Variants in PTPRN2 observed in about 807,000 individuals in gnomAD.
PTPRN2 encodes protein tyrosine phosphatase receptor type N2.
A neutral mutation model predicts 118.8 loss-of-function variants in PTPRN2; 74 were observed. The ratio of observed to expected loss-of-function variants is 0.62; its 90% CI spans 0.52 to 0.76. PTPRN2 has a LOEUF of 0.76. PTPRN2 is among the 30% of genes least tolerant of loss of function. The pLI, the probability that PTPRN2 is intolerant of heterozygous loss-of-function variation, is 0.00. For synonymous variants in PTPRN2, 641 were observed against 608.0 expected, an observed-to-expected ratio of 1.05 and a Z score of -0.80; for missense variants, 1,481 against 1,394.4, an observed-to-expected ratio of 1.06 and a Z score of -0.99.
intron 2 of PTPRN2, among the ~76,000 whole-genome samples, chr7:158,435,031 T>G (rs1816481400): frequency 1.3e-5 from 2 of 152,194 alleles, no homozygotes; most frequent in African/African-American, 4.8e-5. Context: ...AAAACCTTCA[T>G]GACATTGGTC....
chr7:157,827,158 C>T (rs149907873), intron 12 of PTPRN2, among the ~76,000 whole-genome samples: 12 of 152,264 alleles, frequency 7.9e-5, no homozygotes, highest in African/African-American at 2.6e-4. Context: ...CATCCAAAAC[C>T]TAACCCTAAC....
In PTPRN2 at chr7:158,441,419, T is replaced by C. The variant is rs528898171; in HGVS notation, c.163+48316A>G. On this transcript the variant is annotated intron_variant, in intron 2 of 22. Transcript: ENST00000389418. ...ATGATGGTCATGGTAGTGGTGGTGA[T>C]GGTGATAGTGATGGTGATGGCAGTG... Among the ~76,000 whole-genome samples, 78 of 147,368 alleles carry C rather than the reference T, an allele frequency of 5.3e-4. 1 individual carries two copies. Among genetic ancestry groups the C allele is most frequent in the Middle Eastern group, 3.6e-3 (1 of 280 alleles).
intron 11 of PTPRN2, among the ~76,000 whole-genome samples, chr7:157,941,522 T>C (rs1473611275): frequency 6.7e-6 from 1 of 149,058 alleles, no homozygotes; most frequent in Non-Finnish European, 1.5e-5. Context: ...CCCATGACAC[T>C]GCAAGCGATT....
At chr7:158,007,330 G>A (rs1805699381) in intron 11 of PTPRN2, among the ~76,000 whole-genome samples, 1 of 152,150 alleles carries the variant, frequency 6.6e-6, no homozygotes, top group African/African-American at 2.4e-5. Context: ...AGGGTAAGCA[G>A]GGGACGAGGG....
intron 12 of PTPRN2, among the ~76,000 whole-genome samples, chr7:157,772,312 CAT>C (rs1314918048): frequency 3.3e-5 from 3 of 90,576 alleles, no homozygotes; most frequent in South Asian, 3.3e-4. Context: ...TACAGACACA[CAT>C]AGACACAGAC....
rs746343616 is a variant in PTPRN2 at position 158,133,960 on chromosome 7, T to A, written c.1273A>T (p.Arg425Trp). The A allele has an allele frequency of 6.2e-7, 1 of 1,613,924 alleles. No individual in the cohort carries two copies. The highest frequency in any genetic ancestry group is 1.1e-5 in the South Asian group (1 of 91,084). Residue 425 changes from arginine to tryptophan, a missense_variant, in exon 9 of 23, where the codon AGG becomes TGG. Physicochemically the swap from Arg to Trp is moderately radical, Grantham distance 101 (BLOSUM62 -3). Coordinates refer to ENST00000389418, the MANE Select transcript of PTPRN2 (RefSeq NM_002847.5). ...LPFARPLDME[R>W]KKSEHPESSL... ...GACTCAGGGTGCTCGGACTTCTTCC[T>A]CTCCATGTCGAGGGGCCTTGCAAAG...
rs191139641 is a variant in PTPRN2, at chr7:158,373,452, G to T, written c.164-56520C>A. 1.3e-3 allele frequency among the ~76,000 whole-genome samples: 199 copies of T among 152,328 alleles called. 1 individual carries two copies. Among genetic ancestry groups the T allele is most frequent in the South Asian group, 4.1e-4 (2 of 4,822 alleles). ...GTACAGTTCTGTTGATTGAAAGAAA[G>T]AAATATTTCTTTTTAGTAAACTAGT... On this transcript the variant is annotated intron_variant, in intron 2 of 22. Coordinates refer to ENST00000389418, the MANE Select transcript of PTPRN2 (RefSeq NM_002847.5).
chr7:157,951,156 A>G (rs1800787208), intron 11 of PTPRN2, among the ~76,000 whole-genome samples: 1 of 151,946 alleles, frequency 6.6e-6, no homozygotes, highest in South Asian at 2.1e-4. Context: ...AACCAGCCTC[A>G]CTCTCAGAGA....
rs187542444 is a variant in PTPRN2 at position 158,060,672 on chromosome 7, C to T, written c.1723+20626G>A. The stretch of plus-strand genomic sequence containing the variant: ...AACTTTCTGGAGGTCTCATTATCCC[C>T]ACAGCAGGTGTCACCCAGAAATGGT... On this transcript the variant is annotated intron_variant, in intron 11 of 22. Coordinates refer to ENST00000389418, the MANE Select transcript of PTPRN2 (RefSeq NM_002847.5). Among the ~76,000 whole-genome samples, 3 of 152,346 alleles carry T rather than the reference C, an allele frequency of 2.0e-5. No homozygotes were observed. The East Asian group carries it at 5.8e-4, about 29-fold the overall frequency.
At chr7:158,223,268 T>C (rs1440929542) in intron 3 of PTPRN2, among the ~76,000 whole-genome samples, 1 of 152,156 alleles carries the variant, frequency 6.6e-6, no homozygotes, top group East Asian at 1.9e-4. Context: ...TAAAACAAAT[T>C]CCATAAATAT....
intron 12 of PTPRN2, among the ~76,000 whole-genome samples, chr7:157,684,801 C>T (rs1797094622): frequency 6.6e-6 from 1 of 151,988 alleles, no homozygotes; most frequent in Non-Finnish European, 1.5e-5. Flanking sequence ...TCTCCTCGGT[C>T]CCCGCGCGGG....
intron 1 of PTPRN2, among the ~76,000 whole-genome samples, chr7:158,495,358 G>GGA (rs1409144494): frequency 6.6e-6 from 1 of 152,182 alleles, no homozygotes; most frequent in Non-Finnish European, 1.5e-5. Context: ...TTAACATTCT[G>GGA]GAGAGAGAGC....
chr7:158,102,440 C>T (rs1463701856), intron 10 of PTPRN2, among the ~76,000 whole-genome samples: 1 of 152,210 alleles, frequency 6.6e-6, no homozygotes, highest in East Asian at 1.9e-4. Context: ...CCCTGCTGCT[C>T]ATGGAGGCAC....
At chr7:157,798,491 C>T (rs974804998) in intron 12 of PTPRN2, among the ~76,000 whole-genome samples, 3 of 151,796 alleles carry the variant, frequency 2.0e-5, no homozygotes, top group Admixed American at 6.6e-5. Context: ...AGTGGCCCCT[C>T]CACACACACA....
At chr7:158,144,881 G>A (rs79278395) in intron 6 of PTPRN2, among the ~76,000 whole-genome samples, 12,177 of 150,662 alleles carry the variant, frequency 0.081, 613 homozygotes, top group South Asian at 0.13. Context: ...CCCACACAGA[G>A]GCCAAGTGCC....
At chr7:158,026,414 C>T (rs1807276200) in intron 11 of PTPRN2, among the ~76,000 whole-genome samples, 1 of 152,152 alleles carries the variant, frequency 6.6e-6, no homozygotes, top group African/African-American at 2.4e-5. Context: ...CGAGGACGGG[C>T]ACCAAGGCTG....
At chr7:158,286,073 C>A (rs1799750714) in intron 3 of PTPRN2, among the ~76,000 whole-genome samples, 1 of 152,196 alleles carries the variant, frequency 6.6e-6, no homozygotes. Context: ...GTTCTCCAGG[C>A]TCCCTGGGCA....
At chr7:158,446,918 C>T (rs775950836) in intron 2 of PTPRN2, among the ~76,000 whole-genome samples, 4 of 152,182 alleles carry the variant, frequency 2.6e-5, no homozygotes, top group Non-Finnish European at 4.4e-5. Flanking sequence ...CCTGTTCCCA[C>T]GGCCTCACGG....
Position 158,570,151 on chromosome 7 carries a change from C to A in PTPRN2, c.112+17407G>T, listed in dbSNP as rs1237484875. Reference sequence around the variant, plus strand: ...GGCTCTCCGCGGAGCCGTCTCCAACCCCTGCAGGCCGACCTGGGCAGCCAG... The same window carrying A: ...GGCTCTCCGCGGAGCCGTCTCCAACACCTGCAGGCCGACCTGGGCAGCCAG... On this transcript the variant is annotated intron_variant, in intron 1 of 22. Transcript: ENST00000389418. The surrounding 1 kb of genome is among the most constrained non-coding windows in gnomAD (Gnocchi z 4.5). Among the ~76,000 whole-genome samples the A allele has an allele frequency of 6.6e-6, 1 of 152,170 alleles. No individual in the cohort carries two copies. Among genetic ancestry groups the A allele is most frequent in the East Asian group, 1.9e-4 (1 of 5,162 alleles).
Sources: gnomAD v4.1 joint callset for allele counts (sites outside exome capture counted in the v4.1 genomes callset) on GRCh38, gnomAD v4.1.1 for gene constraint, Gnocchi (gnomAD v3.1) non-coding constraint, MANE v1.5 for transcripts, NCBI Gene and HGNC (gene_info 2026-07-23, HGNC 2026-07-21) for gene names.